Variants in HERC1 observed in about 807,000 individuals in gnomAD.
The protein encoded by HERC1 is HECT and RLD domain containing E3 ubiquitin protein ligase family member 1.
Under a neutral mutation model 554.3 loss-of-function variants are expected in HERC1, and 160 were observed. That is an observed-to-expected ratio of 0.29 (90% CI 0.25 to 0.33). HERC1 has a LOEUF of 0.33. Ranked by LOEUF, HERC1 falls within the 10% of genes least tolerant of loss-of-function variation. The pLI, the probability that HERC1 is intolerant of heterozygous loss-of-function variation, is 1.00. For synonymous variants in HERC1, 2,175 were observed against 2,131.7 expected (o/e 1.02, Z -0.56); for missense variants, 4,919 against 5,918.5 (o/e 0.83, Z 5.54).
chr15:63,653,201 G>A (rs113246715), intron 51 of HERC1, among the ~76,000 whole-genome samples: 2 of 152,134 alleles, frequency 1.3e-5, no homozygotes, highest in Non-Finnish European at 2.9e-5. Context: ...AGCACTGTGG[G>A]AGGCCAAGGC....
In HERC1 at chr15:63,680,296, C is replaced by T. The variant is rs1567006356; in HGVS notation, c.6466-136G>A. The T allele has an allele frequency of 1.6e-5, 12 of 760,934 alleles. No individual in the cohort carries two copies. The East Asian group carries it at 2.2e-4, about 14-fold the overall frequency. The allele number at this position is 760,934 out of a possible 1,614,324, so 47.1% of individuals were successfully genotyped here. ...TAGATCAAATTCTCAATTAACCTTGCTAACCGAGAAAATTCTACATATAAT... is the reference window on the plus strand; with the variant it reads ...TAGATCAAATTCTCAATTAACCTTGTTAACCGAGAAAATTCTACATATAAT... On this transcript the variant is annotated intron_variant, in intron 35 of 77. Coordinates refer to ENST00000443617, the MANE Select transcript of HERC1 (RefSeq NM_003922.4). The surrounding 1 kb of genome is among the most constrained non-coding windows in gnomAD (Gnocchi z 5.8).
intron 18 of HERC1, 144 bp downstream of exon 18, chr15:63,725,148 T>C (rs2073988195): frequency 1.4e-6 from 1 of 698,668 alleles, no homozygotes; most frequent in Non-Finnish European, 2.4e-6. Context: ...TTCTTAGGGC[T>C]CCAAGTCATA....
intron 1 of HERC1, chr15:63,779,474 TA>T (rs1221008194): frequency 6.6e-6 from 1 of 152,218 alleles, no homozygotes; most frequent in East Asian, 1.9e-4. Flanking sequence ...CAAGGAAACA[TA>T]AATAGAAACA....
rs1469655588 is a variant in HERC1, at chr15:63,756,602, G to C, written c.1368C>G (p.Ser456=). 1.2e-6 allele frequency: 2 copies of C among 1,613,878 alleles called. No individual in the cohort carries two copies. The highest frequency in any genetic ancestry group is 3.3e-5 in the Admixed American group (2 of 60,016). The change falls in exon 5 of 78, where the codon TCC becomes TCG. Residue 456 remains serine (S), a synonymous_variant. Transcript: ENST00000443617. The surrounding 1 kb of genome is among the most constrained non-coding windows in gnomAD (Gnocchi z 5.0). ...LKKLTFEPHR[S]IKKVSSSKGS... is the part of the protein sequence containing the mutation. Reference sequence around the variant, plus strand: ...CTTTAGAAGATGAAACCTTTTTAATGGATCTGTGAGGCTCGAATGTTAACT... The same window carrying C: ...CTTTAGAAGATGAAACCTTTTTAATCGATCTGTGAGGCTCGAATGTTAACT...
At chr15:63,770,208 T>A (rs943866751) in intron 2 of HERC1, among the ~76,000 whole-genome samples, 11 of 152,010 alleles carry the variant, frequency 7.2e-5, no homozygotes, top group African/African-American at 2.7e-4. Context: ...GTTCTCCAGC[T>A]CCCCTGACAC....
chr15:63,627,936 C>T (rs1187307049), intron 70 of HERC1, among the ~76,000 whole-genome samples: 1 of 152,158 alleles, frequency 6.6e-6, no homozygotes, highest in East Asian at 1.9e-4. Context: ...TTGCTAAACA[C>T]AGGAATAAAA....
In HERC1 at chr15:63,692,003, A is replaced by C. The variant is rs1329950583; in HGVS notation, c.5830+408T>G. On this transcript the variant is annotated intron_variant, in intron 31 of 77. Coordinates refer to ENST00000443617, the MANE Select transcript of HERC1 (RefSeq NM_003922.4). This position sits in a 1 kb window ranked among gnomAD's most constrained non-coding sequence, Gnocchi z 4.7. ...TTCTATAGAACTGTGATAAATATCA[A>C]ACAATCAGAAGTCACAATCAAGGCA... is the stretch of plus-strand genomic sequence containing the variant. 6.6e-6 allele frequency among the ~76,000 whole-genome samples: 1 copy of C among 152,246 alleles called. No homozygotes were observed. The highest frequency in any genetic ancestry group is 1.5e-5 in the Non-Finnish European group (1 of 68,046).
intron 3 of HERC1, among the ~76,000 whole-genome samples, chr15:63,763,830 T>C (rs1342688505): frequency 6.6e-6 from 1 of 152,090 alleles, no homozygotes; most frequent in Non-Finnish European, 1.5e-5. Context: ...TTTCTATGTG[T>C]TTTACTTAAT....
Position 63,689,616 on chromosome 15 carries a change from C to A in HERC1, c.6021G>T (p.Lys2007Asn). The change falls in exon 33 of 78, where the codon AAG becomes AAT. Residue 2007 changes from lysine to asparagine, a missense_variant. This residue lies in a region of HERC1 where 1,121 missense variants were observed against 1,244.0 expected (regional missense o/e 0.90). Coordinates refer to ENST00000443617, the MANE Select transcript of HERC1 (RefSeq NM_003922.4). Reference protein sequence around the residue: ...IAQAKHAIQIKEKEQEIKLQK... With the variant: ...IAQAKHAIQINEKEQEIKLQK... Reference sequence around the variant, plus strand: ...GTAGTTTTATTTCTTGTTCTTTTTCCTTTATCTGAATAGCATGTTTGGCCT... The same window carrying A: ...GTAGTTTTATTTCTTGTTCTTTTTCATTTATCTGAATAGCATGTTTGGCCT... 6.4e-7 allele frequency: 1 copy of A among 1,568,126 alleles called. No individual in the cohort carries two copies.
At chr15:63,632,399 G>A in intron 68 of HERC1, 3 of 395,452 alleles carry the variant, frequency 7.6e-6, no homozygotes, top group South Asian at 2.2e-5. Context: ...GAGGAGCTCT[G>A]ATGGTCAAGG....
intron 53 of HERC1, among the ~76,000 whole-genome samples, chr15:63,650,710 G>A (rs9972404): frequency 0.81 from 123,823 of 152,184 alleles, 52,247 homozygotes; most frequent in Non-Finnish European, 0.88. Flanking sequence ...TAACCAAATT[G>A]GCATAAGAAA....
At chr15:63,800,678 T>C (rs2076950061) in intron 1 of HERC1, among the ~76,000 whole-genome samples, 1 of 152,236 alleles carries the variant, frequency 6.6e-6, no homozygotes, top group African/African-American at 2.4e-5. Context: ...TTTGCAATTA[T>C]ATATAATTTG....
chr15:63,744,154 GTGTGTGTGTGTCTCTCTC>G (rs2074954452), intron 12 of HERC1, among the ~76,000 whole-genome samples: 4 of 42,140 alleles, frequency 9.5e-5, no homozygotes, highest in Admixed American at 2.5e-4. Flanking sequence ...GTGTGTGTGT[GTGTGTGTGTGTCTCTCTC>G]TCTCTCTCTC....
At chr15:63,802,282 G>GA (rs1203100385) in intron 1 of HERC1, among the ~76,000 whole-genome samples, 1 of 152,072 alleles carries the variant, frequency 6.6e-6, no homozygotes, top group African/African-American at 2.4e-5. Flanking sequence ...TGCTAAAAAA[G>GA]AAAAAACTTT....
At chr15:63,671,132 G>T (rs1219153318) in intron 39 of HERC1, among the ~76,000 whole-genome samples, 1 of 151,552 alleles carries the variant, frequency 6.6e-6, no homozygotes, top group African/African-American at 2.4e-5. Flanking sequence ...GAACTCAGGA[G>T]GCTGAGGTTA....
intron 12 of HERC1, among the ~76,000 whole-genome samples, chr15:63,744,164 G>GTGTCTCTCTCTCTCTCTCTCTCTC: frequency 6.5e-5 from 3 of 46,216 alleles, no homozygotes; most frequent in Non-Finnish European, 1.1e-4. Context: ...GTGTGTGTGT[G>GTGTCTCTCTCTCTCTCTCTCTCTC]TCTCTCTCTC....
Position 63,680,199 on chromosome 15 carries a change from A to C in HERC1, c.6466-39T>G, listed in dbSNP as rs376224518. ...GCAGTGAGGAAAAGAAAAAGGAAAT[A>C]GAAATTTTTTTAATTCACAATATCT... On this transcript the variant is annotated intron_variant, in intron 35 of 77. Coordinates refer to ENST00000443617, the MANE Select transcript of HERC1 (RefSeq NM_003922.4). The surrounding 1 kb of genome is among the most constrained non-coding windows in gnomAD (Gnocchi z 5.8). 380 of 1,528,092 alleles carry C rather than the reference A, an allele frequency of 2.5e-4. 1 individual carries two copies. The highest frequency in any genetic ancestry group is 3.3e-4 in the Non-Finnish European group (362 of 1,110,868). The allele number at this position is 1,528,092 out of a possible 1,614,324, so 94.7% of individuals were successfully genotyped here. A position where few individuals can be genotyped will look rare whatever the true frequency, so the allele number is the denominator to read the frequency against.
At chr15:63,748,567 T>C (rs2075137446) in intron 10 of HERC1, among the ~76,000 whole-genome samples, 1 of 152,228 alleles carries the variant, frequency 6.6e-6, no homozygotes, top group African/African-American at 2.4e-5. Context: ...TTCTTGTTAA[T>C]ACTTTTCAGT....
Position 63,689,687 on chromosome 15 carries a change from A to T in HERC1, c.5950T>A (p.Leu1984Ile). 6.4e-7 allele frequency: 1 copy of T among 1,568,822 alleles called. No individual in the cohort carries two copies. Residue 1984 changes from leucine to isoleucine, a missense_variant, in exon 33 of 78, where the codon TTA (leucine) becomes ATA (isoleucine). This residue lies in a region of HERC1 where 1,121 missense variants were observed against 1,244.0 expected (regional missense o/e 0.90). Transcript: ENST00000443617. The part of the protein sequence containing the change: ...DDQMAQIVER[L>I]FSLLSDCMWE... ...ATACAATCAGAGAGAAGGGAAAATA[A>T]GCGCTCAACAATCTGTTTTATTGAA... is the stretch of plus-strand genomic sequence containing the variant.
Sources: allele counts gnomAD v4.1 joint callset (sites outside exome capture counted in the v4.1 genomes callset), GRCh38; gene constraint gnomAD v4.1.1; regional missense constraint gnomAD v4.1.1; non-coding constraint Gnocchi (gnomAD v3.1); transcripts MANE v1.5; gene names NCBI Gene and HGNC (gene_info 2026-07-23, HGNC 2026-07-21).